GLIS3: variants seen among roughly 807,000 people sequenced by gnomAD.
GLIS3 encodes the protein zinc finger protein GLIS3.
GLIS3 carries 53 observed loss-of-function variants against 78.6 expected under a neutral mutation model. The ratio of observed to expected loss-of-function variants is 0.67; its 90% CI spans 0.54 to 0.85. The LOEUF is 0.85. GLIS3 is among the 40% of genes least tolerant of loss of function. The pLI is 0.00. For missense variants in GLIS3, 1,703 were observed against 1,231.1 expected (o/e 1.38, Z -5.74); for synonymous variants, 684 against 509.9 (o/e 1.34, Z -4.60).
intron 4 of GLIS3, among the ~76,000 whole-genome samples, chr9:3,970,627 G>C (rs1002107040): frequency 1.6e-4 from 24 of 152,176 alleles, no homozygotes; most frequent in African/African-American, 5.5e-4. Context: ...GAAAATATTA[G>C]TAATGTAGAG....
intron 2 of GLIS3, among the ~76,000 whole-genome samples, chr9:4,246,387 C>G (rs1249781198): frequency 6.6e-6 from 1 of 152,116 alleles, no homozygotes; most frequent in Admixed American, 6.5e-5. Flanking sequence ...CACTGATATT[C>G]CCAAGAATGT....
At chr9:3,864,597 A>G (rs2130328748) in intron 8 of GLIS3, among the ~76,000 whole-genome samples, 1 of 152,296 alleles carries the variant, frequency 6.6e-6, no homozygotes, top group Non-Finnish European at 1.5e-5. Flanking sequence ...TAATCCATAC[A>G]TTTGAAAAGA....
intron 2 of GLIS3, among the ~76,000 whole-genome samples, chr9:4,178,410 T>C (rs1816990958): frequency 6.6e-6 from 1 of 152,128 alleles, no homozygotes; most frequent in African/African-American, 2.4e-5. Flanking sequence ...TGAGTAGAGA[T>C]GTGACTCTTA....
chr9:4,342,643 G>A (rs752580558), intron 2 of GLIS3, among the ~76,000 whole-genome samples: 1 of 152,120 alleles, frequency 6.6e-6, no homozygotes, highest in Non-Finnish European at 1.5e-5. Flanking sequence ...GAATGTCATT[G>A]GTGGTTTAAT....
At chr9:4,390,084 A>T in the GLIS3 span, among the ~76,000 whole-genome samples, 1 of 152,256 alleles carries the variant, frequency 6.6e-6, no homozygotes, top group South Asian at 2.1e-4. Context: ...GCAGAGGAGA[A>T]AAGAGAGACA....
At chr9:4,295,322 T>C (rs927092360) in intron 1 of GLIS3, among the ~76,000 whole-genome samples, 4 of 152,202 alleles carry the variant, frequency 2.6e-5, no homozygotes, top group African/African-American at 9.7e-5. Context: ...TTGTGTCTGT[T>C]TGGTCTCCCT....
rs987536857 is a variant in GLIS3 at position 4,145,593 on chromosome 9, G to C, written c.389-19652C>G. 3.3e-5 allele frequency among the ~76,000 whole-genome samples: 5 copies of C among 152,246 alleles called. No homozygotes were observed. The Middle Eastern group carries it at 0.01, about 311-fold the overall frequency. ...TTCAAAAAGCCCATAATGCCTAAGAGGCATGAACACCGACTTTTACAGCCC... is the reference window on the plus strand; with the variant it reads ...TTCAAAAAGCCCATAATGCCTAAGACGCATGAACACCGACTTTTACAGCCC... On this transcript the variant is annotated intron_variant, in intron 2 of 10. Transcript: ENST00000381971.
At chr9:4,453,028 T>C in the GLIS3 span, among the ~76,000 whole-genome samples, 1 of 152,174 alleles carries the variant, frequency 6.6e-6, no homozygotes, top group Non-Finnish European at 1.5e-5. Context: ...CACCATCTGA[T>C]ATTTGACAAA....
intron 4 of GLIS3, among the ~76,000 whole-genome samples, chr9:4,017,461 C>T (rs1026070199): frequency 5.9e-5 from 9 of 152,082 alleles, no homozygotes; most frequent in Non-Finnish European, 1.2e-4. Context: ...CACATGAGCG[C>T]GCGTAATACA....
intron 4 of GLIS3, among the ~76,000 whole-genome samples, chr9:4,053,092 C>G (rs549658529): frequency 1.3e-5 from 2 of 152,102 alleles, no homozygotes; most frequent in African/African-American, 4.8e-5. Flanking sequence ...GGACCACAGG[C>G]GCACACCCCC....
At chr9:4,328,042 C>T (rs999186491) in intron 2 of GLIS3, among the ~76,000 whole-genome samples, 2 of 152,196 alleles carry the variant, frequency 1.3e-5, no homozygotes, top group East Asian at 1.9e-4. Context: ...TGTTCACTCT[C>T]CCACTCCTCA....
rs372949317 is a variant in GLIS3 at position 4,165,510 on chromosome 9, T to C, written c.389-39569A>G. Among the ~76,000 whole-genome samples, 59 of 152,314 alleles carry C rather than the reference T, an allele frequency of 3.9e-4. No homozygotes were observed. In the South Asian group the frequency reaches 0.012, roughly 32 times the overall value. On this transcript the variant is annotated intron_variant, in intron 2 of 10. Transcript: ENST00000381971. ...GGAAAAAGATTTTCTAAGTTATTTG[T>C]TTACAGATAAATGCTTATGAAAAAT...
At chr9:4,402,262 G>A in the GLIS3 span, among the ~76,000 whole-genome samples, 2 of 152,210 alleles carry the variant, frequency 1.3e-5, no homozygotes, top group African/African-American at 4.8e-5. Context: ...GACCACCAAG[G>A]TGGTACCTCT....
At chr9:4,405,371 G>GA in the GLIS3 span, among the ~76,000 whole-genome samples, 4 of 147,518 alleles carry the variant, frequency 2.7e-5, no homozygotes, top group Admixed American at 6.7e-5. Flanking sequence ...AAAAGAAAAA[G>GA]AAAAAGAAAA....
chr9:3,938,155 G>C (rs1825997859), intron 4 of GLIS3, among the ~76,000 whole-genome samples: 1 of 152,132 alleles, frequency 6.6e-6, no homozygotes, highest in South Asian at 2.1e-4. Context: ...CTCTCTCTTT[G>C]GTGCTAACCC....
At chr9:4,333,430 T>A in intron 2 of GLIS3, among the ~76,000 whole-genome samples, 1 of 152,170 alleles carries the variant, frequency 6.6e-6, no homozygotes, top group East Asian at 1.9e-4. Context: ...AAAAATTGAC[T>A]TTAATTTGCT....
intron 4 of GLIS3, among the ~76,000 whole-genome samples, chr9:3,968,597 G>C (rs1818139144): frequency 6.6e-6 from 1 of 152,016 alleles, no homozygotes; most frequent in South Asian, 2.1e-4. Flanking sequence ...TTCTCCATAG[G>C]TAAGGTTTTT....
the GLIS3 span, among the ~76,000 whole-genome samples, chr9:4,389,266 A>C: frequency 7.9e-5 from 12 of 152,196 alleles, no homozygotes; most frequent in African/African-American, 2.7e-4. Flanking sequence ...TTTCGAAATC[A>C]ATTCTCCTAA....
chr9:4,291,340 T>C (rs964815312), intron 1 of GLIS3, among the ~76,000 whole-genome samples: 3 of 152,140 alleles, frequency 2.0e-5, no homozygotes, highest in African/African-American at 7.2e-5. Flanking sequence ...GAAAAGATAA[T>C]GTAATGAACA....
Sources: allele counts gnomAD v4.1 joint callset (sites outside exome capture counted in the v4.1 genomes callset), GRCh38; gene constraint gnomAD v4.1.1; transcripts MANE v1.5; gene names NCBI Gene and HGNC (gene_info 2026-07-23, HGNC 2026-07-21).